KCNK17: variants seen among roughly 807,000 people sequenced by gnomAD.
The protein encoded by KCNK17 is potassium two pore domain channel subfamily K member 17, also known as potassium channel subfamily K member 17.
Under a neutral mutation model 24.6 loss-of-function variants are expected in KCNK17, and 27 were observed. The observed-to-expected ratio is 1.10, with a 90% confidence interval of 0.81 to 1.51. KCNK17 has a LOEUF of 1.51. KCNK17 is among the 40% of genes most tolerant of loss of function. KCNK17 has a pLI of 0.00. For missense variants in KCNK17, 450 were observed against 436.6 expected, an observed-to-expected ratio of 1.03 and a Z score of -0.27; for synonymous variants, 181 against 189.8, an observed-to-expected ratio of 0.95 and a Z score of 0.38.
intron 4 of KCNK17, among the ~76,000 whole-genome samples, chr6:39,300,899 C>A (rs1175210579): frequency 2.0e-5 from 3 of 152,184 alleles, no homozygotes; most frequent in Non-Finnish European, 4.4e-5. Context: ...CGTTGGGTTC[C>A]TCTGTTACAC....
chr6:39,308,930 C>T (rs1248399893), intron 2 of KCNK17, among the ~76,000 whole-genome samples: 1 of 152,232 alleles, frequency 6.6e-6, no homozygotes, highest in East Asian at 1.9e-4. Flanking sequence ...CCCTCACTCC[C>T]CTCCTGTTCA....
At chr6:39,300,353 A>G in intron 4 of KCNK17, 1 of 812,314 alleles carries the variant, frequency 1.2e-6, no homozygotes, top group South Asian at 1.4e-5. Context: ...TGAACTCCTG[A>G]GCTCAGGCAA....
At chr6:39,309,661 G>T (rs1762096535) in intron 2 of KCNK17, among the ~76,000 whole-genome samples, 1 of 152,176 alleles carries the variant, frequency 6.6e-6, no homozygotes, top group African/African-American at 2.4e-5. Flanking sequence ...GCAGACTAAA[G>T]GACCCCCAAA....
In KCNK17 at chr6:39,314,242, GC is replaced by G; in HGVS notation, c.78del (p.Leu27SerfsTer51). On this transcript the variant is annotated frameshift_variant, in exon 1 of 5. Transcript: ENST00000373231. LOFTEE classifies it high-confidence loss of function. ...GCAVPSTVLL[L>X]LAYLAYLALG... ...AGCGCCAGGTAAGCCAGGTAGGCGA[GC>G]AGCAGGAGCACGGTGCTGGGCACCG... 1 of 1,536,698 alleles carries G rather than the reference GC, an allele frequency of 6.5e-7. No individual in the cohort carries two copies. Among genetic ancestry groups the G allele is most frequent in the African/African-American group, 1.4e-5 (1 of 72,834 alleles).
At chr6:39,306,823 G>GGCGCGATCTCGGCTCATT (rs1342059867) in intron 2 of KCNK17, among the ~76,000 whole-genome samples, 1 of 149,650 alleles carries the variant, frequency 6.7e-6, no homozygotes, top group African/African-American at 2.5e-5. Context: ...GGAGTGCAGT[G>GGCGCGATCTCGGCTCATT]GCGCGATCTC....
chr6:39,307,911 C>T (rs1278483875), intron 2 of KCNK17, among the ~76,000 whole-genome samples: 1 of 152,222 alleles, frequency 6.6e-6, no homozygotes, highest in South Asian at 2.1e-4. Flanking sequence ...AAGTCACATT[C>T]CCATCTCAGG....
chr6:39,314,060 A>C (rs777770098), intron 1 of KCNK17, 24 bp downstream of exon 1: 2 of 1,531,460 alleles, frequency 1.3e-6, no homozygotes. Flanking sequence ...CGCCGCGCCC[A>C]GGCCGACGCC....
At chr6:39,301,104 G>A (rs1408992035) in intron 4 of KCNK17, among the ~76,000 whole-genome samples, 1 of 152,162 alleles carries the variant, frequency 6.6e-6, no homozygotes. Context: ...ACTCACCATC[G>A]GACACCCCCA....
chr6:39,301,960 G>A (rs1392297446), intron 4 of KCNK17, among the ~76,000 whole-genome samples: 1 of 152,244 alleles, frequency 6.6e-6, no homozygotes, highest in Non-Finnish European at 1.5e-5. Flanking sequence ...AAACATGGGT[G>A]GTGTGAAGGG....
rs1413515030 is a variant in KCNK17, at chr6:39,310,886, C to T, written c.352+7G>A. 3.8e-6 allele frequency: 5 copies of T among 1,329,970 alleles called. No individual in the cohort carries two copies. In the African/African-American group the frequency reaches 4.4e-5, roughly 12 times the overall value. The allele number at this position is 1,329,970 out of a possible 1,614,324, so 82.4% of individuals were successfully genotyped here. A position where few individuals can be genotyped will look rare whatever the true frequency, so the allele number is the denominator to read the frequency against. ...CCCCCATCCCCCTGGCCCCATCTGGCCCTTACCAATGGTGGTGATGGTGGA... is the reference window on the plus strand; with the variant it reads ...CCCCCATCCCCCTGGCCCCATCTGGTCCTTACCAATGGTGGTGATGGTGGA... On this transcript the variant is annotated splice_region_variant and intron_variant, in intron 2 of 4. Transcript: ENST00000373231.
At position 39,304,598 on chromosome 6, in the gene KCNK17, G is replaced by A. The variant is rs974676349; in HGVS notation, c.410C>T (p.Ala137Val). Residue 137 changes from alanine to valine, a missense_variant, in exon 3 of 5, where the codon GCC (alanine) becomes GTC (valine). Ala to Val is a moderately conservative substitution (Grantham distance 64). Coordinates refer to ENST00000373231, the MANE Select transcript of KCNK17 (RefSeq NM_031460.4). ...GAGGTTGAGTGGGATCCCCACAAGGGCAAAGAAGATGCAGAAGAGGCGGGC... is the reference window on the plus strand; with the variant it reads ...GAGGTTGAGTGGGATCCCCACAAGGACAAAGAAGATGCAGAAGAGGCGGGC... ...MAARLFCIFF[A>V]LVGIPLNLVV... 1 of 1,614,048 alleles carries A rather than the reference G, an allele frequency of 6.2e-7. No individual in the cohort carries two copies. Among genetic ancestry groups the A allele is most frequent in the South Asian group, 1.1e-5 (1 of 91,082 alleles).
chr6:39,300,275 G>A (rs531725339), intron 4 of KCNK17: 19 of 566,248 alleles, frequency 3.4e-5, no homozygotes, highest in African/African-American at 2.3e-4. Context: ...GGCGCCTGCC[G>A]CCACGCCCGG....
Position 39,304,480 on chromosome 6 carries a change from C to T in KCNK17, c.513+15G>A, listed in dbSNP as rs570535991. ...AGAAGTGACCCATCCCCACCCCGTC[C>T]AGCAGCCCCCTCACCTGCCAGGTGC... On this transcript the variant is annotated intron_variant, in intron 3 of 4. Coordinates refer to ENST00000373231, the MANE Select transcript of KCNK17 (RefSeq NM_031460.4). 1.2e-6 allele frequency: 2 copies of T among 1,607,678 alleles called. No homozygotes were observed. Among genetic ancestry groups the T allele is most frequent in the East Asian group, 2.2e-5 (1 of 44,698 alleles).
At chr6:39,311,324 TCC>T in intron 1 of KCNK17, among the ~76,000 whole-genome samples, 1 of 152,230 alleles carries the variant, frequency 6.6e-6, no homozygotes, top group East Asian at 1.9e-4. Context: ...CCCTGCTCAC[TCC>T]CATTCCTGCA....
chr6:39,309,513 T>C (rs1762094946), intron 2 of KCNK17, among the ~76,000 whole-genome samples: 1 of 152,030 alleles, frequency 6.6e-6, no homozygotes, highest in African/African-American at 2.4e-5. Flanking sequence ...CTCAAGCTGG[T>C]TGAAACTGAG....
Position 39,299,729 on chromosome 6 carries a change from G to A in KCNK17, c.697C>T (p.Pro233Ser). Residue 233 changes from proline to serine, a missense_variant, in exon 5 of 5, where the codon CCC (proline) becomes TCC (serine). Physicochemically the swap from Pro to Ser is moderately conservative, Grantham distance 74 (BLOSUM62 -1). Coordinates refer to ENST00000373231, the MANE Select transcript of KCNK17 (RefSeq NM_031460.4). ...TACCACAGTGGGTACCTCTGGGAGGGGTTCATTCCTGGGGAAGAGGCAAGG... is the reference window on the plus strand; with the variant it reads ...TACCACAGTGGGTACCTCTGGGAGGAGTTCATTCCTGGGGAAGAGGCAAGG... Reference protein sequence around the residue: ...GFGDYVIGMNPSQRYPLWYKN... With the variant: ...GFGDYVIGMNSSQRYPLWYKN... 2 of 1,612,684 alleles carry A rather than the reference G, an allele frequency of 1.2e-6. No individual in the cohort carries two copies. Among genetic ancestry groups the A allele is most frequent in the Non-Finnish European group, 1.7e-6 (2 of 1,178,828 alleles).
chr6:39,300,115 C>T (rs1039190000), intron 4 of KCNK17, among the ~76,000 whole-genome samples: 13 of 151,860 alleles, frequency 8.6e-5, no homozygotes, highest in Admixed American at 2.0e-4. Context: ...CCCAGCAATC[C>T]GTATTTTTTG....
chr6:39,311,080 A>C, intron 1 of KCNK17, 73 bp from the exon 2 acceptor site: 1 of 194,626 alleles, frequency 5.1e-6, no homozygotes, highest in Non-Finnish European at 8.7e-6. Context: ...ATGCACACAC[A>C]CACACACACA....
At position 39,301,800 on chromosome 6, in the gene KCNK17, A is replaced by T. The variant is rs55802369; in HGVS notation, c.689-2063T>A. Among the ~76,000 whole-genome samples, 762 of 152,274 alleles carry T rather than the reference A, an allele frequency of 5.0e-3. 8 individuals are homozygous for T. The highest frequency in any genetic ancestry group is 0.017 in the African/African-American group (717 of 41,552). ...TTCAGGCAGAGGAGTGGCTGTGAAG[A>T]CAGCGCCTCTTGTGGCTGCTGATGC... is the stretch of plus-strand genomic sequence containing the variant. On this transcript the variant is annotated intron_variant, in intron 4 of 4. Transcript: ENST00000373231.
Sources: allele counts gnomAD v4.1 joint callset (sites outside exome capture counted in the v4.1 genomes callset), GRCh38; gene constraint gnomAD v4.1.1; transcripts MANE v1.5; gene names NCBI Gene and HGNC (gene_info 2026-07-23, HGNC 2026-07-21).